The following PRPH2 variants were observed in gnomAD, a reference collection of about 807,000 sequenced individuals.
PRPH2 encodes the protein peripherin-2.
PRPH2 carries 17 observed loss-of-function variants against 31.3 expected under a neutral mutation model. The ratio of observed to expected loss-of-function variants is 0.54; its 90% CI spans 0.37 to 0.81. The LOEUF is 0.81. PRPH2 is among the 40% of genes least tolerant of loss of function. The pLI, the probability that PRPH2 is intolerant of heterozygous loss-of-function variation, is 0.00. For synonymous variants in PRPH2, 165 were observed against 184.4 expected (o/e 0.89, Z 0.85); for missense variants, 430 against 439.7 (o/e 0.98, Z 0.20).
At chr6:42,715,340 G>A (rs1047870573) in intron 1 of PRPH2, among the ~76,000 whole-genome samples, 1 of 152,056 alleles carries the variant, frequency 6.6e-6, no homozygotes, top group African/African-American at 2.4e-5. Context: ...AGGCAGGTTG[G>A]GGATGGGGTG....
At position 42,716,962 on chromosome 6, in the gene PRPH2, CTT is replaced by C. The variant is rs1161769235; in HGVS notation, c.581+4790_581+4791del. ...TTCTTTTCTTTTCTTTCTTTCTTTT[CTT>C]TTTTTTTTTTTTTTTTTTTTTTGGT... is the stretch of plus-strand genomic sequence containing the variant. On this transcript the variant is annotated intron_variant, in intron 1 of 2. Coordinates refer to ENST00000230381, the MANE Select transcript of PRPH2 (RefSeq NM_000322.5). 4.4e-3 allele frequency among the ~76,000 whole-genome samples: 198 copies of C among 45,190 alleles called. 1 individual carries two copies. The highest frequency in any genetic ancestry group is 0.018 in the African/African-American group (186 of 10,424). 29.6% of individuals were successfully genotyped at this position (45,190 alleles called of 152,430 possible).
At chr6:42,699,447 G>C (rs2152004100) in intron 2 of PRPH2, among the ~76,000 whole-genome samples, 1 of 152,296 alleles carries the variant, frequency 6.6e-6, no homozygotes, top group African/African-American at 2.4e-5. Flanking sequence ...CTGTGTGGCA[G>C]ACTTGGTGCC....
At chr6:42,707,877 A>G (rs947606877) in intron 1 of PRPH2, among the ~76,000 whole-genome samples, 1 of 152,172 alleles carries the variant, frequency 6.6e-6, no homozygotes, top group Non-Finnish European at 1.5e-5. Flanking sequence ...GATCGGTGAC[A>G]AGAGCCGGAC....
At position 42,697,393 on chromosome 6, in the gene PRPH2, C is replaced by G. The variant is rs1035055255; in HGVS notation, c.*902G>C. On this transcript the variant is annotated 3_prime_UTR_variant, in exon 3 of 3. Transcript: ENST00000230381. ...CTGTGATGGCCACCTGTGTGGGTGT[C>G]CCTGGGCCCACCAAGAGCTGAGGCC... is the stretch of plus-strand genomic sequence containing the variant. 1.3e-5 allele frequency: 2 copies of G among 152,126 alleles called. No individual in the cohort carries two copies. Among genetic ancestry groups the G allele is most frequent in the Non-Finnish European group, 2.9e-5 (2 of 68,060 alleles). 9.4% of individuals were successfully genotyped at this position (152,126 alleles called of 1,614,324 possible).
At chr6:42,698,910 GC>G (rs1404692629) in intron 2 of PRPH2, among the ~76,000 whole-genome samples, 1 of 151,910 alleles carries the variant, frequency 6.6e-6, no homozygotes, top group Non-Finnish European at 1.5e-5. Flanking sequence ...CCCTCGGGTC[GC>G]CCCCATCCCA....
At chr6:42,717,009 G>T (rs1761800812) in intron 1 of PRPH2, among the ~76,000 whole-genome samples, 1 of 93,506 alleles carries the variant, frequency 1.1e-5, no homozygotes, top group South Asian at 3.7e-4. Flanking sequence ...GTCTCATTGT[G>T]TTGCCCAGGC....
chr6:42,704,750 G>A lies in PRPH2; in HGVS notation c.582-139C>T, dbSNP rs1273320772. 3.1e-5 allele frequency: 41 copies of A among 1,313,692 alleles called. No individual in the cohort carries two copies. The East Asian group carries it at 8.6e-4, about 28-fold the overall frequency. 81.4% of individuals were successfully genotyped at this position (1,313,692 alleles called of 1,614,324 possible). A position where few individuals can be genotyped will look rare whatever the true frequency, so the allele number is the denominator to read the frequency against. ...TATATATTTGCTGTGCGCCCGCTACGTGCCAGTCACTGTTCTAGGCGCTGA... is the reference window on the plus strand; with the variant it reads ...TATATATTTGCTGTGCGCCCGCTACATGCCAGTCACTGTTCTAGGCGCTGA... On this transcript the variant is annotated intron_variant, in intron 1 of 2. Coordinates refer to ENST00000230381, the MANE Select transcript of PRPH2 (RefSeq NM_000322.5).
intron 1 of PRPH2, among the ~76,000 whole-genome samples, chr6:42,712,709 G>A (rs999440872): frequency 1.2e-4 from 18 of 151,640 alleles, no homozygotes; most frequent in Middle Eastern, 3.4e-3. Context: ...GAGCCACTGT[G>A]CCCAGCCTGT....
rs746349275 is a variant in PRPH2 at position 42,698,273 on chromosome 6, G to A, written c.*22C>T. Reference sequence around the variant, plus strand: ...GAGTGCACTATTTCTCAGTGTTCGGGAGGGGAGGGGCCCCAGGGCCCTCAG... The same window carrying A: ...GAGTGCACTATTTCTCAGTGTTCGGAAGGGGAGGGGCCCCAGGGCCCTCAG... On this transcript the variant is annotated 3_prime_UTR_variant, in exon 3 of 3. Coordinates refer to ENST00000230381, the MANE Select transcript of PRPH2 (RefSeq NM_000322.5). The A allele has an allele frequency of 1.2e-5, 20 of 1,612,980 alleles. No homozygotes were observed.
chr6:42,711,655 T>A (rs1009649962), intron 1 of PRPH2, among the ~76,000 whole-genome samples: 3 of 152,236 alleles, frequency 2.0e-5, no homozygotes, highest in Non-Finnish European at 4.4e-5. Context: ...GACACAGCTC[T>A]CTTCAAAGAG....
At chr6:42,700,264 T>A (rs1800022709) in intron 2 of PRPH2, among the ~76,000 whole-genome samples, 2 of 152,150 alleles carry the variant, frequency 1.3e-5, no homozygotes, top group South Asian at 4.1e-4. Flanking sequence ...CCACACCCTG[T>A]TTTCATTTTT....
chr6:42,698,794 C>T (rs1349049809), intron 2 of PRPH2, among the ~76,000 whole-genome samples: 1 of 152,078 alleles, frequency 6.6e-6, no homozygotes. Context: ...AGGTCTTTAC[C>T]ATCTGCTATG....
intron 1 of PRPH2, among the ~76,000 whole-genome samples, chr6:42,710,040 C>T (rs567844305): frequency 6.6e-6 from 1 of 152,200 alleles, no homozygotes; most frequent in South Asian, 2.1e-4. Context: ...GCTGGGCTTG[C>T]GGACATTCCC....
chr6:42,699,791 C>T (rs1800015419), intron 2 of PRPH2, among the ~76,000 whole-genome samples: 1 of 152,014 alleles, frequency 6.6e-6, no homozygotes. Flanking sequence ...TACCCGGGTA[C>T]TTGGGTAGCC....
intron 1 of PRPH2, among the ~76,000 whole-genome samples, chr6:42,707,767 G>A (rs1800195069): frequency 6.6e-6 from 1 of 152,100 alleles, no homozygotes. Flanking sequence ...CTGGGTCATG[G>A]CAACCATGTT....
rs1205539319 is a variant in PRPH2 at position 42,698,307 on chromosome 6, TG to T, written c.1028del (p.Pro343GlnfsTer18). 6.2e-7 allele frequency: 1 copy of T among 1,613,846 alleles called. No individual in the cohort carries two copies. The highest frequency in any genetic ancestry group is 1.1e-5 in the South Asian group (1 of 91,070). On this transcript the variant is annotated frameshift_variant, in exon 3 of 3. Coordinates refer to ENST00000230381, the MANE Select transcript of PRPH2 (RefSeq NM_000322.5). LOFTEE classifies it high-confidence loss of function. Reference sequence around the variant, plus strand: ...GGCCCCAGGGCCCTCAGCCAGCCTCTGGGGCCTGGCCTGCGTCTGCGCCCTC... The same window carrying T: ...GGCCCCAGGGCCCTCAGCCAGCCTCTGGGCCTGGCCTGCGTCTGCGCCCTC... Reference protein sequence around the residue: ...EAEGADAGQAPEAG With the variant: ...EAEGADAGQAXEAG
At chr6:42,712,930 G>A (rs1435710555) in intron 1 of PRPH2, among the ~76,000 whole-genome samples, 2 of 151,810 alleles carry the variant, frequency 1.3e-5, no homozygotes, top group Admixed American at 1.3e-4. Flanking sequence ...AAGAGCATCA[G>A]TTGAGAACTA....
intron 1 of PRPH2, among the ~76,000 whole-genome samples, chr6:42,705,357 T>A (rs1800133819): frequency 6.6e-6 from 1 of 151,710 alleles, no homozygotes; most frequent in Non-Finnish European, 1.5e-5. Flanking sequence ...GCAGGCTGGG[T>A]ATGTTCTACC....
chr6:42,699,786 G>A (rs1390840834), intron 2 of PRPH2, among the ~76,000 whole-genome samples: 3 of 152,128 alleles, frequency 2.0e-5, no homozygotes, highest in South Asian at 4.2e-4. Flanking sequence ...CCAGCTACCC[G>A]GGTACTTGGG....
Sources: allele counts gnomAD v4.1 joint callset (sites outside exome capture counted in the v4.1 genomes callset), GRCh38; gene constraint gnomAD v4.1.1; transcripts MANE v1.5; gene names NCBI Gene and HGNC (gene_info 2026-07-23, HGNC 2026-07-21).